Variants in RAB3GAP2 observed in about 807,000 individuals in gnomAD.
RAB3GAP2 encodes rab3 GTPase-activating protein non-catalytic subunit.
A neutral mutation model predicts 185.3 loss-of-function variants in RAB3GAP2; 87 were observed. That is an observed-to-expected ratio of 0.47 (90% CI 0.39 to 0.56). The LOEUF (loss-of-function observed/expected upper bound fraction) is 0.56. Among genes scored for constraint, RAB3GAP2 ranks in the 20% least tolerant of loss-of-function variants. The pLI, the probability that RAB3GAP2 is intolerant of heterozygous loss-of-function variation, is 0.00. For synonymous variants in RAB3GAP2, 554 were observed against 576.1 expected, an observed-to-expected ratio of 0.96 and a Z score of 0.55; for missense variants, 1,492 against 1,638.2, an observed-to-expected ratio of 0.91 and a Z score of 1.54.
chr1:220,185,707 G>C lies in RAB3GAP2; in HGVS notation c.1814C>G (p.Pro605Arg), dbSNP rs1225453170. ...AGTGATGTTTCTAAGGCAAGAAAAT[G>C]GTAAACGTTCACTTGCCAAAATGCT... ...LESILASERL[P>R]FSCLRNITQT... The change falls in exon 18 of 35, where the codon CCA (proline) becomes CGA (arginine). Residue 605 changes from proline (P) to arginine (R), a missense_variant. Around this residue, in one of 5 missense-constraint regions of RAB3GAP2, gnomAD observed 681 missense variants for 689.1 expected, o/e 0.99. Coordinates refer to ENST00000358951, the MANE Select transcript of RAB3GAP2 (RefSeq NM_012414.4). 2.5e-6 allele frequency: 4 copies of C among 1,612,322 alleles called. No homozygotes were observed. Among genetic ancestry groups the C allele is most frequent in the Non-Finnish European group, 2.5e-6 (3 of 1,178,924 alleles).
intron 8 of RAB3GAP2, among the ~76,000 whole-genome samples, chr1:220,204,274 T>C (rs754136710): frequency 3.3e-5 from 5 of 152,300 alleles, no homozygotes; most frequent in Middle Eastern, 6.8e-3. Context: ...AATGCTTTTT[T>C]ACTAGGTCAG....
chr1:220,245,088 A>AGGAC (rs1659774799), intron 1 of RAB3GAP2, among the ~76,000 whole-genome samples: 1 of 152,172 alleles, frequency 6.6e-6, no homozygotes, highest in African/African-American at 2.4e-5. Context: ...AAGGACTAGC[A>AGGAC]TCCAGAATCT....
chr1:220,258,779 A>C (rs1660082787), intron 1 of RAB3GAP2, among the ~76,000 whole-genome samples: 1 of 152,170 alleles, frequency 6.6e-6, no homozygotes, highest in Non-Finnish European at 1.5e-5. Flanking sequence ...CTCAAACAGG[A>C]AGAGAGGAGT....
At chr1:220,202,464 C>A in intron 8 of RAB3GAP2, 90 bp from the exon 9 acceptor site, 1 of 1,361,894 alleles carries the variant, frequency 7.3e-7, no homozygotes. Flanking sequence ...ATTTGTTATT[C>A]TAAAATTTCA....
At chr1:220,262,752 T>C (rs1276337291) in intron 1 of RAB3GAP2, among the ~76,000 whole-genome samples, 1 of 152,252 alleles carries the variant, frequency 6.6e-6, no homozygotes, top group Non-Finnish European at 1.5e-5. Flanking sequence ...TCTTGGCTAC[T>C]GTGAACTGTC....
At chr1:220,182,504 G>A (rs1658428847) in intron 20 of RAB3GAP2, 150 bp from the exon 21 acceptor site, 1 of 1,457,856 alleles carries the variant, frequency 6.9e-7, no homozygotes, top group Non-Finnish European at 9.2e-7. Context: ...TATTAAAGCA[G>A]AAAGCAAATC....
chr1:220,232,476 C>A (rs1182692661), intron 2 of RAB3GAP2, among the ~76,000 whole-genome samples: 1 of 152,226 alleles, frequency 6.6e-6, no homozygotes, highest in Non-Finnish European at 1.5e-5. Flanking sequence ...TATGATGCAG[C>A]AAGAAGGCTC....
At chr1:220,265,052 T>C (rs906201953) in intron 1 of RAB3GAP2, among the ~76,000 whole-genome samples, 5 of 152,150 alleles carry the variant, frequency 3.3e-5, no homozygotes, top group African/African-American at 1.2e-4. Context: ...TTTATCTGTA[T>C]GATCCTCTTC....
intron 1 of RAB3GAP2, among the ~76,000 whole-genome samples, chr1:220,238,849 T>C (rs1293931431): frequency 6.6e-6 from 1 of 152,254 alleles, no homozygotes; most frequent in African/African-American, 2.4e-5. Context: ...ATTTGCTGCA[T>C]TGTTAGTTAA....
At chr1:220,186,267 G>C (rs1259926901) in intron 17 of RAB3GAP2, among the ~76,000 whole-genome samples, 1 of 151,748 alleles carries the variant, frequency 6.6e-6, no homozygotes, top group Non-Finnish European at 1.5e-5. Flanking sequence ...TTCATAACCA[G>C]TCCCAAAATA....
chr1:220,176,988 C>G (rs1490790381), intron 21 of RAB3GAP2, among the ~76,000 whole-genome samples: 1 of 152,168 alleles, frequency 6.6e-6, no homozygotes, highest in Admixed American at 6.5e-5. Flanking sequence ...AACAGGCCCC[C>G]CAGCCTCCTT....
chr1:220,258,866 C>T (rs1660083893), intron 1 of RAB3GAP2, among the ~76,000 whole-genome samples: 1 of 152,172 alleles, frequency 6.6e-6, no homozygotes, highest in African/African-American at 2.4e-5. Context: ...ACTTCTTAAG[C>T]TGATAAGCAA....
intron 8 of RAB3GAP2, among the ~76,000 whole-genome samples, chr1:220,203,595 G>T (rs1658903506): frequency 6.6e-6 from 1 of 151,982 alleles, no homozygotes. Flanking sequence ...TTCAAAAATG[G>T]TGAAAAATTA....
rs1410023541 is a variant in RAB3GAP2, at chr1:220,210,418, T to G, written c.582A>C (p.Glu194Asp). 1 of 1,614,084 alleles carries G rather than the reference T, an allele frequency of 6.2e-7. No homozygotes were observed. The highest frequency in any genetic ancestry group is 1.7e-5 in the Admixed American group (1 of 60,016). Residue 194 changes from glutamate to aspartate, a missense_variant, in exon 7 of 35, where the codon GAA (glutamate) becomes GAC (aspartate). Around this residue, in one of 5 missense-constraint regions of RAB3GAP2, gnomAD observed 243 missense variants for 314.8 expected, o/e 0.77. Transcript: ENST00000358951. Reference protein sequence around the residue: ...PVLQLKCRTYEIPRHPGVTEQ... With the variant: ...PVLQLKCRTYDIPRHPGVTEQ... Reference sequence around the variant, plus strand: ...CAGTCACGCCGGGATGTCGTGGTATTTCATAGGTTCTGCATTTAAGTTGAA... The same window carrying G: ...CAGTCACGCCGGGATGTCGTGGTATGTCATAGGTTCTGCATTTAAGTTGAA...
rs1658424701 is a variant in RAB3GAP2 at position 220,182,291 on chromosome 1, A to G, written c.2276T>C (p.Leu759Ser). ...ESSTEDMCHT[L>S]ESAGLSPQLL... Reference sequence around the variant, plus strand: ...CTGAGGGCTAAGACCAGCCGACTCCAAAGTGTGACACATATCCTCAGTGGA... The same window carrying G: ...CTGAGGGCTAAGACCAGCCGACTCCGAAGTGTGACACATATCCTCAGTGGA... The change falls in exon 21 of 35, where the codon TTG (leucine) becomes TCG (serine). Residue 759 changes from leucine to serine, a missense_variant. Coordinates refer to ENST00000358951, the MANE Select transcript of RAB3GAP2 (RefSeq NM_012414.4). 11 of 1,614,020 alleles carry G rather than the reference A, an allele frequency of 6.8e-6. No individual in the cohort carries two copies. The highest frequency in any genetic ancestry group is 8.5e-6 in the Non-Finnish European group (10 of 1,180,012).
chr1:220,267,793 C>T, intron 1 of RAB3GAP2: 1 of 1,464,132 alleles, frequency 6.8e-7, no homozygotes, highest in Non-Finnish European at 9.6e-7. Context: ...TGAGCCTGGC[C>T]ACTATTTGCA....
intron 4 of RAB3GAP2, chr1:220,211,296 C>G (rs1659080692): frequency 3.6e-6 from 2 of 553,012 alleles, no homozygotes; most frequent in Non-Finnish European, 6.9e-6. Context: ...ACACAACTGA[C>G]TGTATACACA....
chr1:220,191,963 G>A (rs1658632281), intron 13 of RAB3GAP2, among the ~76,000 whole-genome samples: 1 of 152,162 alleles, frequency 6.6e-6, no homozygotes, highest in South Asian at 2.1e-4. Context: ...GGAAGCTCTT[G>A]CATGGGAGAC....
At chr1:220,186,979 T>A (rs1433427624) in intron 17 of RAB3GAP2, among the ~76,000 whole-genome samples, 2 of 152,122 alleles carry the variant, frequency 1.3e-5, no homozygotes, top group Non-Finnish European at 2.9e-5. Context: ...CTGAGCAAAA[T>A]GAGAGCCAAT....
Sources: allele counts gnomAD v4.1 joint callset (sites outside exome capture counted in the v4.1 genomes callset), GRCh38; gene constraint gnomAD v4.1.1; regional missense constraint gnomAD v4.1.1; transcripts MANE v1.5; gene names NCBI Gene and HGNC (gene_info 2026-07-23, HGNC 2026-07-21).